The following PCDHAC1 variants were observed in gnomAD, a reference collection of about 807,000 sequenced individuals.
PCDHAC1 encodes protocadherin alpha subfamily C, 1.
In PCDHAC1, 42 loss-of-function variants were observed where a neutral mutation model predicts 60.0. The observed-to-expected ratio is 0.70, with a 90% CI of 0.55 to 0.90. The LOEUF (loss-of-function observed/expected upper bound fraction) is 0.90, where lower values mean the gene tolerates loss of function less well. PCDHAC1 is among the 40% of genes least tolerant of loss of function. PCDHAC1 has a pLI of 0.00. For missense variants in PCDHAC1, 1,160 were observed against 1,222.3 expected, an observed-to-expected ratio of 0.95 and a Z score of 0.76; for synonymous variants, 468 against 499.3, an observed-to-expected ratio of 0.94 and a Z score of 0.84.
intron 1 of PCDHAC1, among the ~76,000 whole-genome samples, chr5:140,951,182 C>T (rs782338729): frequency 9.2e-5 from 14 of 151,876 alleles, no homozygotes; most frequent in East Asian, 1.9e-4. Context: ...AGTCATTGTC[C>T]GCTAATTCCC....
intron 3 of PCDHAC1, among the ~76,000 whole-genome samples, chr5:140,996,311 G>T (rs191577867): frequency 2.6e-5 from 4 of 152,184 alleles, no homozygotes; most frequent in African/African-American, 7.2e-5. Context: ...ACAAAGTAAG[G>T]GGGGAGGGTA....
intron 1 of PCDHAC1, chr5:140,929,725 A>G (rs1415397730): frequency 9.2e-6 from 2 of 218,138 alleles, no homozygotes; most frequent in Admixed American, 1.2e-4. Flanking sequence ...TGAAACATTT[A>G]CTTAAACTAT....
intron 1 of PCDHAC1, among the ~76,000 whole-genome samples, chr5:140,959,312 C>G (rs2095480226): frequency 6.6e-6 from 1 of 151,968 alleles, no homozygotes; most frequent in South Asian, 2.1e-4. Flanking sequence ...GTGGTTGAAG[C>G]TGCAATAAGT....
At chr5:140,966,626 C>T in intron 1 of PCDHAC1, 9 of 925,184 alleles carry the variant, frequency 9.7e-6, no homozygotes, top group South Asian at 9.6e-5. Flanking sequence ...GAGGGAGCGG[C>T]CCCAGGCGCT....
At chr5:141,008,582 G>A (rs1554261823) in intron 3 of PCDHAC1, among the ~76,000 whole-genome samples, 1 of 152,130 alleles carries the variant, frequency 6.6e-6, no homozygotes. Context: ...CCAAGACTCA[G>A]GGCAGATTTC....
chr5:140,936,151 C>T (rs947807537), intron 1 of PCDHAC1, among the ~76,000 whole-genome samples: 66 of 152,246 alleles, frequency 4.3e-4, no homozygotes, highest in African/African-American at 1.5e-3. Context: ...CCTTGGCCTC[C>T]TAAAGTGCTG....
At chr5:141,004,857 A>C (rs987029522) in intron 3 of PCDHAC1, among the ~76,000 whole-genome samples, 2 of 152,150 alleles carry the variant, frequency 1.3e-5, no homozygotes, top group African/African-American at 4.8e-5. Context: ...TCAGAGAAAA[A>C]ATTTGTTTCT....
At chr5:140,982,679 C>A in intron 3 of PCDHAC1, 116 bp downstream of exon 3, 2 of 1,436,546 alleles carry the variant, frequency 1.4e-6, no homozygotes, top group Non-Finnish European at 9.2e-7. Flanking sequence ...TTGTTATTCC[C>A]TTTTTTCCAT....
intron 3 of PCDHAC1, among the ~76,000 whole-genome samples, chr5:141,003,283 G>A (rs1331116001): frequency 3.3e-5 from 5 of 152,188 alleles, no homozygotes; most frequent in African/African-American, 1.2e-4. Flanking sequence ...GCCCAAATTG[G>A]ATTATAGGAT....
chr5:141,004,528 C>T (rs2098169666), intron 3 of PCDHAC1, among the ~76,000 whole-genome samples: 1 of 152,230 alleles, frequency 6.6e-6, no homozygotes, highest in Non-Finnish European at 1.5e-5. Flanking sequence ...CCAATACACA[C>T]AGCCATTAAT....
Position 140,929,271 on chromosome 5 carries a change from A to G in PCDHAC1, c.2379A>G (p.Ile793Met), listed in dbSNP as rs782266407. 9.9e-6 allele frequency: 16 copies of G among 1,610,716 alleles called. No individual in the cohort carries two copies. In the Admixed American group the frequency reaches 2.7e-4, roughly 27 times the overall value. The change falls in exon 1 of 4, where the codon ATA (isoleucine) becomes ATG (methionine). Residue 793 changes from isoleucine (I) to methionine (M), a missense_variant. By Grantham distance (10) the Ile-to-Met change is conservative. This residue lies in a region of PCDHAC1 where 1,113 missense variants were observed against 1,163.7 expected (regional missense o/e 0.96). Transcript: ENST00000253807. ...CTGGGGTAGGACTGAATTTGCCAAT[A>G]TCCTGTATTCAGATTCGGAATAGGA... ...LATGVGLNLP[I>M]SCIQIRNRKG... is the part of the protein sequence containing the mutation.
At chr5:140,947,436 G>C (rs269551) in intron 1 of PCDHAC1, among the ~76,000 whole-genome samples, 37,364 of 151,424 alleles carry the variant, frequency 0.25, 5,790 homozygotes, top group African/African-American at 0.44. Flanking sequence ...TTGAAAATCA[G>C]CTGTGAAATC....
At chr5:140,932,287 T>C (rs1259585245) in intron 1 of PCDHAC1, among the ~76,000 whole-genome samples, 2 of 151,896 alleles carry the variant, frequency 1.3e-5, no homozygotes, top group Admixed American at 6.6e-5. Context: ...AAAAACTGCA[T>C]TGACAATTTT....
At chr5:140,991,563 C>T (rs577838155) in intron 3 of PCDHAC1, among the ~76,000 whole-genome samples, 4 of 152,288 alleles carry the variant, frequency 2.6e-5, no homozygotes, top group South Asian at 4.1e-4. Context: ...CCTTTAGTTT[C>T]CAATAACAGG....
intron 1 of PCDHAC1, among the ~76,000 whole-genome samples, chr5:140,949,294 T>C (rs1554218899): frequency 1.3e-5 from 2 of 151,840 alleles, no homozygotes; most frequent in African/African-American, 4.8e-5. Flanking sequence ...TATTCTGTAA[T>C]TGTTGGGTGT....
In PCDHAC1 at chr5:140,928,484, G is replaced by A. The variant is rs1371678688; in HGVS notation, c.1592G>A (p.Gly531Asp). The change falls in exon 1 of 4, where the codon GGC (glycine) becomes GAC (aspartate). Residue 531 changes from glycine to aspartate, a missense_variant. Physicochemically the swap from Gly to Asp is moderately conservative, Grantham distance 94 (BLOSUM62 -1). This residue lies in a region of PCDHAC1 where 1,113 missense variants were observed against 1,163.7 expected (regional missense o/e 0.96). Transcript: ENST00000253807. ...FHFQVEGRDG[G>D]IPPRSATVTI... is the part of the protein sequence containing the mutation. Reference sequence around the variant, plus strand: ...TTCCAAGTAGAAGGCCGGGATGGTGGCATTCCTCCCAGAAGTGCAACAGTG... The same window carrying A: ...TTCCAAGTAGAAGGCCGGGATGGTGACATTCCTCCCAGAAGTGCAACAGTG... 25 of 1,614,026 alleles carry A rather than the reference G, an allele frequency of 1.5e-5. No individual in the cohort carries two copies. The highest frequency in any genetic ancestry group is 4.0e-5 in the African/African-American group (3 of 74,920).
chr5:140,984,516 TCA>T (rs1422083367), intron 3 of PCDHAC1, among the ~76,000 whole-genome samples: 2 of 152,130 alleles, frequency 1.3e-5, no homozygotes, highest in Non-Finnish European at 2.9e-5. Context: ...GATGCATGAG[TCA>T]CAGTCTTCAT....
At chr5:140,957,339 TGAGA>T (rs2095352193) in intron 1 of PCDHAC1, among the ~76,000 whole-genome samples, 1 of 152,152 alleles carries the variant, frequency 6.6e-6, no homozygotes, top group African/African-American at 2.4e-5. Context: ...TAAGATATTT[TGAGA>T]GAGAGACCAC....
At chr5:140,971,117 G>A (rs868931936) in intron 1 of PCDHAC1, among the ~76,000 whole-genome samples, 1 of 152,162 alleles carries the variant, frequency 6.6e-6, no homozygotes, top group Admixed American at 6.5e-5. Flanking sequence ...ATTGGGGTGG[G>A]CTACAGGTGG....
Sources: gnomAD v4.1 joint callset for allele counts (sites outside exome capture counted in the v4.1 genomes callset) on GRCh38, gnomAD v4.1.1 for gene constraint, gnomAD v4.1.1 regional missense constraint, MANE v1.5 for transcripts, NCBI Gene and HGNC (gene_info 2026-07-23, HGNC 2026-07-21) for gene names.